SLC24A2: variants seen among roughly 807,000 people sequenced by gnomAD.
SLC24A2 encodes solute carrier family 24 member 2.
In SLC24A2, 36 loss-of-function variants were observed where a neutral mutation model predicts 62.0. That is an observed-to-expected ratio of 0.58 (90% CI 0.44 to 0.77). The LOEUF is 0.77. Ranked by LOEUF, SLC24A2 falls within the 30% of genes least tolerant of loss-of-function variation. The pLI is 0.00. For missense variants in SLC24A2, 846 were observed against 817.9 expected, an observed-to-expected ratio of 1.03 and a Z score of -0.42; for synonymous variants, 358 against 294.0, an observed-to-expected ratio of 1.22 and a Z score of -2.23.
intron 1 of SLC24A2, 79 bp downstream of exon 1, chr9:19,788,806 G>A: frequency 1.0e-6 from 1 of 985,430 alleles, no homozygotes. Flanking sequence ...GAGCAGCAAC[G>A]GGATGCGCGC....
chr9:20,003,612 T>C, the SLC24A2 span, among the ~76,000 whole-genome samples: 2,889 of 152,192 alleles, frequency 0.019, 77 homozygotes, highest in African/African-American at 0.066. Flanking sequence ...TTCCACTTGA[T>C]AGAATGAATG....
chr9:20,260,552 C>G, the SLC24A2 span, among the ~76,000 whole-genome samples: 51,853 of 152,072 alleles, frequency 0.34, 9,593 homozygotes, highest in East Asian at 0.6. Flanking sequence ...TATGACATAG[C>G]TCAGGATTAA....
chr9:19,764,459 A>T (rs1404969150), intron 2 of SLC24A2, among the ~76,000 whole-genome samples: 1 of 152,210 alleles, frequency 6.6e-6, no homozygotes, highest in Non-Finnish European at 1.5e-5. Flanking sequence ...ATTTCCCTCT[A>T]AACACTGCAT....
At chr9:20,018,908 G>A in the SLC24A2 span, among the ~76,000 whole-genome samples, 2 of 151,832 alleles carry the variant, frequency 1.3e-5, no homozygotes, top group Non-Finnish European at 2.9e-5. Flanking sequence ...TACAAAACAT[G>A]CAAAAATTAG....
At chr9:20,296,418 A>G in the SLC24A2 span, among the ~76,000 whole-genome samples, 2 of 152,326 alleles carry the variant, frequency 1.3e-5, no homozygotes, top group East Asian at 3.9e-4. Flanking sequence ...AGAGAGCTCT[A>G]ATTCATTTTA....
the SLC24A2 span, among the ~76,000 whole-genome samples, chr9:20,258,845 CTAT>C: frequency 2.2e-5 from 3 of 139,378 alleles, no homozygotes; most frequent in South Asian, 2.4e-4. Context: ...GTCTATCTAT[CTAT>C]CTATCTAATG....
chr9:20,221,629 T>C, the SLC24A2 span, among the ~76,000 whole-genome samples: 2 of 151,902 alleles, frequency 1.3e-5, no homozygotes, highest in Non-Finnish European at 2.9e-5. Flanking sequence ...TCCTCAAGTC[T>C]TGAACAAAAT....
intron 2 of SLC24A2, among the ~76,000 whole-genome samples, chr9:19,724,104 A>T (rs1181711431): frequency 6.6e-6 from 1 of 152,222 alleles, no homozygotes; most frequent in East Asian, 1.9e-4. Context: ...ATATAGTGAT[A>T]TCAATACTGA....
At chr9:20,014,501 T>C in the SLC24A2 span, among the ~76,000 whole-genome samples, 1 of 149,062 alleles carries the variant, frequency 6.7e-6, no homozygotes, top group East Asian at 1.9e-4. Context: ...ATGTGATATA[T>C]ATATATATAT....
intron 5 of SLC24A2, among the ~76,000 whole-genome samples, chr9:19,577,877 C>CAT (rs919183646): frequency 2.7e-5 from 4 of 148,698 alleles, no homozygotes; most frequent in Non-Finnish European, 4.5e-5. Flanking sequence ...AATATTCCAA[C>CAT]ATATATATAT....
chr9:19,727,383 A>C (rs1314650193), intron 2 of SLC24A2, among the ~76,000 whole-genome samples: 1 of 152,214 alleles, frequency 6.6e-6, no homozygotes, highest in Non-Finnish European at 1.5e-5. Context: ...ATTTTGCATT[A>C]GAGTTTTAAT....
chr9:19,782,826 A>T (rs1039953856), intron 2 of SLC24A2, among the ~76,000 whole-genome samples: 1 of 152,206 alleles, frequency 6.6e-6, no homozygotes, highest in Non-Finnish European at 1.5e-5. Flanking sequence ...TCATTTTCCA[A>T]TTAGGAAACT....
At chr9:20,255,769 C>G in the SLC24A2 span, among the ~76,000 whole-genome samples, 1,517 of 152,298 alleles carry the variant, frequency 1.0e-2, 21 homozygotes, top group African/African-American at 0.033. Flanking sequence ...TCATAGAACA[C>G]ATTCAGGTTA....
At chr9:19,650,820 C>T (rs979799457) in intron 2 of SLC24A2, among the ~76,000 whole-genome samples, 11 of 103,158 alleles carry the variant, frequency 1.1e-4, no homozygotes, top group Non-Finnish European at 2.0e-4. Flanking sequence ...ACATCAGCTT[C>T]TAGTGTGTGT....
the SLC24A2 span, among the ~76,000 whole-genome samples, chr9:20,068,501 G>C: frequency 5.9e-5 from 9 of 151,982 alleles, no homozygotes; most frequent in Non-Finnish European, 1.0e-4. Context: ...TCCTAATCAA[G>C]CCTCCACACT....
chr9:19,979,792 T>C, the SLC24A2 span, among the ~76,000 whole-genome samples: 1 of 152,308 alleles, frequency 6.6e-6, no homozygotes, highest in South Asian at 2.1e-4. Flanking sequence ...AACATGGGTA[T>C]TGGAATCAGG....
chr9:19,841,570 T>A, the SLC24A2 span, among the ~76,000 whole-genome samples: 1 of 152,232 alleles, frequency 6.6e-6, no homozygotes, highest in Non-Finnish European at 1.5e-5. Context: ...ACCTCTCAGC[T>A]CTTAATTCAC....
intron 8 of SLC24A2, among the ~76,000 whole-genome samples, chr9:19,532,633 C>T (rs1833763425): frequency 6.6e-6 from 1 of 152,160 alleles, no homozygotes; most frequent in Non-Finnish European, 1.5e-5. Flanking sequence ...GGGAAGTGAA[C>T]ATGACTGTGA....
At chr9:20,181,721 A>C in the SLC24A2 span, among the ~76,000 whole-genome samples, 2 of 152,252 alleles carry the variant, frequency 1.3e-5, no homozygotes, top group Non-Finnish European at 2.9e-5. Context: ...GGACATAGGC[A>C]TGGGCAAAGA....
Sources: gnomAD v4.1 joint callset for allele counts (sites outside exome capture counted in the v4.1 genomes callset) on GRCh38, gnomAD v4.1.1 for gene constraint, MANE v1.5 for transcripts, NCBI Gene and HGNC (gene_info 2026-07-23, HGNC 2026-07-21) for gene names.